The following UBE2E3 variants were observed in gnomAD, a reference collection of about 807,000 sequenced individuals.
UBE2E3 encodes ubiquitin-conjugating enzyme E2 E3.
In UBE2E3, 5 loss-of-function variants were observed where a neutral mutation model predicts 23.6. The observed-to-expected ratio is 0.21, with a 90% CI of 0.11 to 0.44. UBE2E3 has a LOEUF of 0.44. UBE2E3 is among the 20% of genes least tolerant of loss of function. The probability of loss-of-function intolerance (pLI) is 0.99; values close to 1 mark genes in which losing one functional copy is unlikely to be tolerated. For missense variants in UBE2E3, 81 were observed against 249.8 expected (o/e 0.32, Z 4.55); for synonymous variants, 78 against 87.5 (o/e 0.89, Z 0.60).
chr2:180,989,828 A>G (rs1423073972), intron 3 of UBE2E3: 1 of 1,506,284 alleles, frequency 6.6e-7, no homozygotes, highest in East Asian at 2.5e-5. Flanking sequence ...TTAGTACTTT[A>G]TGCTCTCCTT....
intron 3 of UBE2E3, among the ~76,000 whole-genome samples, chr2:180,999,601 G>GT (rs199680190): frequency 0.016 from 2,357 of 150,956 alleles, 62 homozygotes; most frequent in African/African-American, 0.053. Flanking sequence ...CTTATTTTTT[G>GT]TTTTTTTTCA....
In UBE2E3 at chr2:181,000,756, G is replaced by A. The variant is rs537884335; in HGVS notation, c.245+16663G>A. The stretch of plus-strand genomic sequence containing the variant: ...TTTTTAGTAGAGATGGGGTTTCACC[G>A]TGTTAGCCAGGATGGTCTCGATCTC... On this transcript the variant is annotated intron_variant, in intron 3 of 5. Coordinates refer to ENST00000410062, the MANE Select transcript of UBE2E3 (RefSeq NM_006357.4). 6.6e-3 allele frequency among the ~76,000 whole-genome samples: 1,002 copies of A among 152,102 alleles called. 10 individuals are homozygous for A. The highest frequency in any genetic ancestry group is 0.022 in the African/African-American group (932 of 41,490).
chr2:180,994,658 G>A (rs1684773088), intron 3 of UBE2E3, among the ~76,000 whole-genome samples: 1 of 152,200 alleles, frequency 6.6e-6, no homozygotes, highest in Non-Finnish European at 1.5e-5. Flanking sequence ...ATTTGAACGA[G>A]TGGGTTCATT....
At chr2:181,014,095 G>A (rs1221931670) in intron 3 of UBE2E3, among the ~76,000 whole-genome samples, 1 of 152,130 alleles carries the variant, frequency 6.6e-6, no homozygotes, top group Non-Finnish European at 1.5e-5. Flanking sequence ...TGAAGGAGAT[G>A]TATATGTCAG....
chr2:181,038,025 G>T (rs911515309), intron 3 of UBE2E3, among the ~76,000 whole-genome samples: 11 of 152,146 alleles, frequency 7.2e-5, no homozygotes, highest in Admixed American at 7.2e-4. Flanking sequence ...TGGAAGAAAA[G>T]TATTTTTGTA....
chr2:181,040,136 T>C (rs1406872617), intron 3 of UBE2E3, among the ~76,000 whole-genome samples: 2 of 152,234 alleles, frequency 1.3e-5, no homozygotes, highest in East Asian at 1.9e-4. Flanking sequence ...CCTAAAAATT[T>C]ATATACTTAA....
At chr2:181,039,759 G>A (rs926246311) in intron 3 of UBE2E3, among the ~76,000 whole-genome samples, 5 of 152,120 alleles carry the variant, frequency 3.3e-5, no homozygotes, top group South Asian at 2.1e-4. Context: ...ATGTCATCCC[G>A]TGGTATCCTT....
chr2:181,003,012 C>T (rs1685034766), intron 3 of UBE2E3, among the ~76,000 whole-genome samples: 1 of 152,206 alleles, frequency 6.6e-6, no homozygotes, highest in Non-Finnish European at 1.5e-5. Context: ...TCTCTCTGCC[C>T]ATGTGTCTTT....
chr2:181,048,139 C>T (rs1213035791), intron 3 of UBE2E3, among the ~76,000 whole-genome samples: 1 of 152,112 alleles, frequency 6.6e-6, no homozygotes, highest in Non-Finnish European at 1.5e-5. Context: ...ATATTGCTTC[C>T]TCTGACTCTT....
In UBE2E3 at chr2:181,061,248, G is replaced by A. The variant is rs1421112333; in HGVS notation, c.526+436G>A. On this transcript the variant is annotated intron_variant, in intron 5 of 5. Coordinates refer to ENST00000410062, the MANE Select transcript of UBE2E3 (RefSeq NM_006357.4). ...CGCCATTCTCCTGCCTCAGCCTCCC[G>A]AGTAGCTGGGACTACAGGCGCCCGC... Among the ~76,000 whole-genome samples the A allele has an allele frequency of 4.2e-5, 2 of 47,706 alleles. 1 individual carries two copies. The highest frequency in any genetic ancestry group is 7.2e-5 in the Non-Finnish European group (2 of 27,704). 31.3% of individuals were successfully genotyped at this position (47,706 alleles called of 152,430 possible).
intron 3 of UBE2E3, among the ~76,000 whole-genome samples, chr2:181,038,233 A>G (rs1313674619): frequency 6.6e-6 from 1 of 152,180 alleles, no homozygotes; most frequent in Non-Finnish European, 1.5e-5. Context: ...GTTTAGATAC[A>G]CAAATCACAT....
chr2:180,985,543 T>C (rs1262914181), intron 3 of UBE2E3, among the ~76,000 whole-genome samples: 1 of 152,154 alleles, frequency 6.6e-6, no homozygotes, highest in Non-Finnish European at 1.5e-5. Context: ...TAAAATTACG[T>C]ATGTGACTTG....
intron 3 of UBE2E3, among the ~76,000 whole-genome samples, chr2:181,031,388 T>C (rs1437795508): frequency 6.6e-6 from 1 of 152,212 alleles, no homozygotes; most frequent in South Asian, 2.1e-4. Flanking sequence ...GTATAATCTT[T>C]GCTGTATTAC....
chr2:181,049,470 A>G (rs115588818), intron 3 of UBE2E3, among the ~76,000 whole-genome samples: 1 of 152,184 alleles, frequency 6.6e-6, no homozygotes, highest in African/African-American at 2.4e-5. Context: ...CTACATTTAT[A>G]TAAGTGTACA....
At chr2:181,022,636 T>G (rs1685743931) in intron 3 of UBE2E3, among the ~76,000 whole-genome samples, 1 of 151,872 alleles carries the variant, frequency 6.6e-6, no homozygotes, top group South Asian at 2.1e-4. Flanking sequence ...AGATAGCACT[T>G]TAGCATTATG....
rs548119873 is a variant in UBE2E3, at chr2:181,025,140, C to T, written c.246-32553C>T. On this transcript the variant is annotated intron_variant, in intron 3 of 5. Coordinates refer to ENST00000410062, the MANE Select transcript of UBE2E3 (RefSeq NM_006357.4). ...AAATACCAAATAATTTATAGGGGCA[C>T]GAGTGGTTTGAAGTACTGTTTAGGA... 5.9e-5 allele frequency among the ~76,000 whole-genome samples: 9 copies of T among 151,986 alleles called. No individual in the cohort carries two copies. The South Asian group carries it at 8.3e-4, about 14-fold the overall frequency.
intron 3 of UBE2E3, among the ~76,000 whole-genome samples, chr2:181,009,547 ATTATT>A (rs199984037): frequency 0.013 from 1,913 of 151,860 alleles, 40 homozygotes; most frequent in African/African-American, 0.044. Flanking sequence ...ACTAGGCTTT[ATTATT>A]TTATTTTATT....
chr2:181,003,743 C>T (rs913241809), intron 3 of UBE2E3, among the ~76,000 whole-genome samples: 9 of 152,234 alleles, frequency 5.9e-5, no homozygotes, highest in African/African-American at 2.2e-4. Context: ...TTACTTTTTC[C>T]TTATATGATG....
intron 3 of UBE2E3, among the ~76,000 whole-genome samples, chr2:180,997,911 C>T (rs1274414274): frequency 6.6e-6 from 1 of 152,086 alleles, no homozygotes; most frequent in Non-Finnish European, 1.5e-5. Flanking sequence ...GACATTTGTA[C>T]TACTAATATT....
Sources: allele counts gnomAD v4.1 joint callset (sites outside exome capture counted in the v4.1 genomes callset), GRCh38; gene constraint gnomAD v4.1.1; transcripts MANE v1.5; gene names NCBI Gene and HGNC (gene_info 2026-07-23, HGNC 2026-07-21).